SNRNP40: variants seen among roughly 807,000 people sequenced by gnomAD.
SNRNP40 encodes U5 small nuclear ribonucleoprotein 40 kDa protein.
Under a neutral mutation model 45.8 loss-of-function variants are expected in SNRNP40, and 21 were observed. The ratio of observed to expected loss-of-function variants is 0.46; its 90% confidence interval spans 0.32 to 0.66. The LOEUF (loss-of-function observed/expected upper bound fraction) is 0.66. Among genes scored for constraint, SNRNP40 ranks in the 30% least tolerant of loss-of-function variants. SNRNP40 has a pLI of 0.03. For missense variants in SNRNP40, 344 were observed against 439.1 expected (o/e 0.78, Z 1.94); for synonymous variants, 142 against 163.8 (o/e 0.87, Z 1.01).
intron 6 of SNRNP40, chr1:31,271,096 T>C (rs1027434092): frequency 3.9e-5 from 10 of 253,398 alleles, no homozygotes; most frequent in African/African-American, 2.0e-4. Context: ...TCACCTAGAG[T>C]TTCTAATATC....
chr1:31,259,771 ATCCCAACC>A lies in SNRNP40; in HGVS notation c.*293_*300del. ...AGCCAGTTACAAAAAAAAAAAAAAA[ATCCCAACC>A]AACAAATTTGTCACATTGGGCCTGC... On this transcript the variant is annotated 3_prime_UTR_variant, in exon 10 of 10. Coordinates refer to ENST00000263694, the MANE Select transcript of SNRNP40 (RefSeq NM_004814.3). 1 of 520,792 alleles carries A rather than the reference ATCCCAACC, an allele frequency of 1.9e-6. No individual in the cohort carries two copies. The highest frequency in any genetic ancestry group is 3.5e-6 in the Non-Finnish European group (1 of 282,414). 32.3% of individuals were successfully genotyped at this position (520,792 alleles called of 1,614,324 possible).
At chr1:31,284,001 G>A (rs1327654479) in intron 4 of SNRNP40, among the ~76,000 whole-genome samples, 2 of 152,132 alleles carry the variant, frequency 1.3e-5, no homozygotes, top group Non-Finnish European at 2.9e-5. Flanking sequence ...AGGCCAGGAG[G>A]ATGGCTTTAG....
chr1:31,294,248 G>A (rs531638705), intron 1 of SNRNP40, among the ~76,000 whole-genome samples: 2 of 152,264 alleles, frequency 1.3e-5, no homozygotes, highest in African/African-American at 4.8e-5. Context: ...ATGAGCCACT[G>A]CACCTGGCCT....
At chr1:31,268,676 C>G (rs1645916184) in intron 7 of SNRNP40, among the ~76,000 whole-genome samples, 1 of 152,076 alleles carries the variant, frequency 6.6e-6, no homozygotes, top group African/African-American at 2.4e-5. Context: ...TTCAATAGAG[C>G]TGACCTTGAA....
chr1:31,267,402 C>T (rs1005491229), intron 8 of SNRNP40, among the ~76,000 whole-genome samples: 34 of 152,160 alleles, frequency 2.2e-4, no homozygotes, highest in African/African-American at 8.2e-4. Flanking sequence ...ATCTGTTTGT[C>T]GAACACGGTT....
intron 5 of SNRNP40, among the ~76,000 whole-genome samples, chr1:31,273,092 C>T (rs560267647): frequency 2.8e-4 from 42 of 152,322 alleles, no homozygotes; most frequent in Admixed American, 4.6e-4. Context: ...GAGCCCAACA[C>T]ATTTTCTATA....
intron 6 of SNRNP40, chr1:31,269,615 T>G (rs1389442893): frequency 7.9e-6 from 3 of 380,702 alleles, no homozygotes; most frequent in African/African-American, 6.2e-5. Flanking sequence ...GGAACTACTG[T>G]GACAATGAAC....
rs117573344 is a variant in SNRNP40 at position 31,264,846 on chromosome 1, G to A, written c.920+3025C>T. On this transcript the variant is annotated intron_variant, in intron 8 of 9. Coordinates refer to ENST00000263694, the MANE Select transcript of SNRNP40 (RefSeq NM_004814.3). Reference sequence around the variant, plus strand: ...GCCAAGCTGAAAAGGAGTTTTCTGAGGATACATTTCCCAGGCACATAAAAG... The same window carrying A: ...GCCAAGCTGAAAAGGAGTTTTCTGAAGATACATTTCCCAGGCACATAAAAG... Among the ~76,000 whole-genome samples, 271 of 152,240 alleles carry A rather than the reference G, an allele frequency of 1.8e-3. 4 individuals are homozygous for A. Among genetic ancestry groups the A allele is most frequent in the East Asian group, 0.014 (75 of 5,188 alleles).
intron 3 of SNRNP40, 49 bp downstream of exon 3, chr1:31,291,864 G>A (rs774465537): frequency 7.1e-5 from 88 of 1,231,440 alleles, no homozygotes; most frequent in South Asian, 3.1e-4. Flanking sequence ...GTGAAAGGAC[G>A]CCAAGAATTA....
intron 4 of SNRNP40, among the ~76,000 whole-genome samples, chr1:31,285,758 C>T (rs2148389016): frequency 6.6e-6 from 1 of 152,242 alleles, no homozygotes; most frequent in South Asian, 2.1e-4. Flanking sequence ...TCAAACTTTC[C>T]TTGAGTTTTA....
At chr1:31,283,048 A>G (rs1254700717) in intron 4 of SNRNP40, among the ~76,000 whole-genome samples, 1 of 152,194 alleles carries the variant, frequency 6.6e-6, no homozygotes, top group Non-Finnish European at 1.5e-5. Flanking sequence ...AGAAGGCCGT[A>G]AGCTCTCTGG....
intron 2 of SNRNP40, 52 bp from the exon 3 acceptor site, chr1:31,292,058 A>G: frequency 8.1e-7 from 1 of 1,237,932 alleles, no homozygotes; most frequent in East Asian, 2.3e-5. Context: ...GTACTTATAA[A>G]TTTATCAGAA....
intron 4 of SNRNP40, among the ~76,000 whole-genome samples, chr1:31,284,707 T>C (rs1215922191): frequency 6.6e-6 from 1 of 152,206 alleles, no homozygotes; most frequent in Non-Finnish European, 1.5e-5. Flanking sequence ...AGGCTTAACT[T>C]CAATCCTGTA....
chr1:31,271,606 C>G, intron 5 of SNRNP40, 107 bp from the exon 6 acceptor site: 1 of 1,038,274 alleles, frequency 9.6e-7, no homozygotes, highest in Non-Finnish European at 1.4e-6. Context: ...TATTACTCTA[C>G]TATAAAACAC....
intron 8 of SNRNP40, among the ~76,000 whole-genome samples, chr1:31,266,420 G>A (rs1645897223): frequency 6.6e-6 from 1 of 152,138 alleles, no homozygotes; most frequent in African/African-American, 2.4e-5. Context: ...TGCTGTCAGA[G>A]GGTCTTATTG....
intron 4 of SNRNP40, 49 bp downstream of exon 4, chr1:31,289,205 T>TTCACA (rs1646084528): frequency 6.3e-7 from 1 of 1,579,960 alleles, no homozygotes; most frequent in South Asian, 1.1e-5. Context: ...CAAGATAAGG[T>TTCACA]TCACATCACA....
chr1:31,261,960 G>A lies in SNRNP40; in HGVS notation c.921-328C>T, dbSNP rs1645861957. 5 of 196,778 alleles carry A rather than the reference G, an allele frequency of 2.5e-5. No individual in the cohort carries two copies. The South Asian group carries it at 5.0e-4, about 20-fold the overall frequency. The allele number at this position is 196,778 out of a possible 1,614,324, so 12.2% of individuals were successfully genotyped here. ...ACAAAAACCTTTTTCAGAGTGTCTA[G>A]TATAATTAGGCTACAGTTAACTTCA... On this transcript the variant is annotated intron_variant, in intron 8 of 9. Transcript: ENST00000263694.
chr1:31,271,237 A>T, intron 6 of SNRNP40, 142 bp downstream of exon 6: 1 of 783,906 alleles, frequency 1.3e-6, no homozygotes, highest in East Asian at 2.6e-5. Flanking sequence ...CAAGACAGAG[A>T]TCTGAGACTA....
intron 8 of SNRNP40, among the ~76,000 whole-genome samples, chr1:31,262,288 G>A (rs979388403): frequency 6.6e-6 from 1 of 152,074 alleles, no homozygotes; most frequent in African/African-American, 2.4e-5. Flanking sequence ...GGGAGGCCGA[G>A]GTGCGTGGAT....
Sources: allele counts gnomAD v4.1 joint callset (sites outside exome capture counted in the v4.1 genomes callset), GRCh38; gene constraint gnomAD v4.1.1; transcripts MANE v1.5; gene names NCBI Gene and HGNC (gene_info 2026-07-23, HGNC 2026-07-21).